ATXN1: variants seen among roughly 807,000 people sequenced by gnomAD.
ATXN1 encodes the protein ataxin-1.
ATXN1 carries 8 observed loss-of-function variants against 56.4 expected under a neutral mutation model. That is an observed-to-expected ratio of 0.14 (90% CI 0.08 to 0.26). The LOEUF (loss-of-function observed/expected upper bound fraction) is 0.26. ATXN1 is among the 10% of genes least tolerant of loss of function. ATXN1 has a pLI of 1.00. For missense variants in ATXN1, 987 were observed against 1,106.5 expected, an observed-to-expected ratio of 0.89 and a Z score of 1.53; for synonymous variants, 514 against 494.6, an observed-to-expected ratio of 1.04 and a Z score of -0.52.
rs1762579235 is a variant in ATXN1 at position 16,584,238 on chromosome 6, A to ATATATATATATATG, written c.-361+1541_-361+1542insCATATATATATATA. On this transcript the variant is annotated intron_variant, in intron 4 of 7. Coordinates refer to ENST00000436367, the MANE Select transcript of ATXN1 (RefSeq NM_001128164.2). ...CGATATTGGACATATATATATATAT[A>ATATATATATATATG]TATATACACACACACACACACACAC... 3.1e-5 allele frequency among the ~76,000 whole-genome samples: 4 copies of ATATATATATATATG among 128,750 alleles called. 1 individual carries two copies. The highest frequency in any genetic ancestry group is 4.9e-5 in the Non-Finnish European group (3 of 61,480). The allele number at this position is 128,750 out of a possible 152,430, so 84.5% of individuals were successfully genotyped here.
intron 3 of ATXN1, among the ~76,000 whole-genome samples, chr6:16,594,671 C>T (rs1486151846): frequency 1.3e-5 from 2 of 151,936 alleles, no homozygotes; most frequent in Non-Finnish European, 2.9e-5. Context: ...TTAGAAGAGA[C>T]GAGGTTTCAC....
intron 2 of ATXN1, among the ~76,000 whole-genome samples, chr6:16,751,303 A>G (rs1760711545): frequency 6.6e-6 from 1 of 152,076 alleles, no homozygotes; most frequent in Admixed American, 6.5e-5. Context: ...ACACTTGTAG[A>G]TCTTAAGAGG....
intron 4 of ATXN1, among the ~76,000 whole-genome samples, chr6:16,548,689 C>T (rs908447897): frequency 7.3e-5 from 11 of 151,698 alleles, no homozygotes; most frequent in Non-Finnish European, 1.3e-4. Context: ...TTTGGGAGGC[C>T]GAGGCGGGTG....
At chr6:16,540,663 C>G (rs1761697383) in intron 4 of ATXN1, among the ~76,000 whole-genome samples, 1 of 152,184 alleles carries the variant, frequency 6.6e-6, no homozygotes, top group Non-Finnish European at 1.5e-5. Context: ...AGGAGTTAGG[C>G]TCTAGAGTCA....
intron 3 of ATXN1, among the ~76,000 whole-genome samples, chr6:16,638,063 CAG>C (rs746533060): frequency 9.9e-5 from 15 of 152,002 alleles, no homozygotes; most frequent in Non-Finnish European, 1.8e-4. Flanking sequence ...TATTCATAAT[CAG>C]GGGTGGATCC....
rs1368837826 is a variant in ATXN1 at position 16,420,959 on chromosome 6, C to T, written c.-161+65013G>A. Among the ~76,000 whole-genome samples, 3 of 152,074 alleles carry T rather than the reference C, an allele frequency of 2.0e-5. No individual in the cohort carries two copies. In the East Asian group the frequency reaches 5.8e-4, roughly 29 times the overall value. On this transcript the variant is annotated intron_variant, in intron 6 of 7. Transcript: ENST00000436367. ...CTCTGCGGTTTTGTAGTTGATTTTC[C>T]CCATCTGACCCTGACTTACATGTGA...
At chr6:16,696,419 T>C (rs1759166848) in intron 2 of ATXN1, among the ~76,000 whole-genome samples, 1 of 152,164 alleles carries the variant, frequency 6.6e-6, no homozygotes, top group South Asian at 2.1e-4. Flanking sequence ...AAAGTTAAAT[T>C]ATATTCACTA....
chr6:16,498,520 G>A (rs1760820308), intron 5 of ATXN1, among the ~76,000 whole-genome samples: 1 of 152,188 alleles, frequency 6.6e-6, no homozygotes, highest in Non-Finnish European at 1.5e-5. Flanking sequence ...CAGAACTACT[G>A]AGTCATATGT....
At chr6:16,601,954 A>C (rs1396231776) in intron 3 of ATXN1, among the ~76,000 whole-genome samples, 2 of 152,206 alleles carry the variant, frequency 1.3e-5, no homozygotes. Context: ...TTTTGCAAGC[A>C]GAAAATTCTC....
chr6:16,593,434 C>A (rs1762759070), intron 3 of ATXN1, among the ~76,000 whole-genome samples: 2 of 152,296 alleles, frequency 1.3e-5, no homozygotes, highest in African/African-American at 4.8e-5. Context: ...ATGTTTGTAA[C>A]CCACAAAAGA....
At chr6:16,349,224 G>C (rs530829691) in intron 6 of ATXN1, among the ~76,000 whole-genome samples, 35 of 152,268 alleles carry the variant, frequency 2.3e-4, no homozygotes, top group African/African-American at 8.4e-4. Context: ...ACATTTTCAG[G>C]CTGGGCATGG....
intron 4 of ATXN1, among the ~76,000 whole-genome samples, chr6:16,542,360 C>A (rs1761731582): frequency 6.6e-6 from 1 of 152,184 alleles, no homozygotes; most frequent in Non-Finnish European, 1.5e-5. Context: ...GAGCACTATG[C>A]TTCAGTAAGG....
rs972149006 is a variant in ATXN1 at position 16,301,416 on chromosome 6, A to G, written c.*4913T>C. ...AAGTTGTTTGGAGTTTCCCTATGCC[A>G]GAAACACAACACTGTCCGTGGAAAA... On this transcript the variant is annotated 3_prime_UTR_variant, in exon 8 of 8. Transcript: ENST00000436367. 6.6e-6 allele frequency: 1 copy of G among 152,660 alleles called. No individual in the cohort carries two copies. Among genetic ancestry groups the G allele is most frequent in the Non-Finnish European group, 1.5e-5 (1 of 68,046 alleles). 9.5% of individuals were successfully genotyped at this position (152,660 alleles called of 1,614,324 possible). A position where few individuals can be genotyped will look rare whatever the true frequency, so the allele number is the denominator to read the frequency against.
At chr6:16,471,191 AACACAC>A (rs5874560) in intron 6 of ATXN1, among the ~76,000 whole-genome samples, 54 of 148,100 alleles carry the variant, frequency 3.6e-4, no homozygotes, top group African/African-American at 5.2e-4. Context: ...TGGCAATTAA[AACACAC>A]ACACACACAC....
chr6:16,737,185 C>T, intron 2 of ATXN1: 1 of 152,188 alleles, frequency 6.6e-6, no homozygotes, highest in Non-Finnish European at 1.5e-5. Context: ...GACGTTTCTG[C>T]CAACCGCCTG....
chr6:16,716,362 C>T (rs1000644080), intron 2 of ATXN1, among the ~76,000 whole-genome samples: 5 of 152,184 alleles, frequency 3.3e-5, no homozygotes, highest in Admixed American at 6.5e-5. Flanking sequence ...AGCTTTCTTT[C>T]AGTATGTTGT....
intron 3 of ATXN1, among the ~76,000 whole-genome samples, chr6:16,637,996 G>C (rs977572880): frequency 6.6e-6 from 1 of 152,284 alleles, no homozygotes; most frequent in East Asian, 1.9e-4. Flanking sequence ...TCACATACTA[G>C]TATGAAAGAG....
At chr6:16,730,108 C>T (rs770328944) in intron 2 of ATXN1, among the ~76,000 whole-genome samples, 2 of 152,176 alleles carry the variant, frequency 1.3e-5, no homozygotes, top group Non-Finnish European at 2.9e-5. Flanking sequence ...CACGGTGAAA[C>T]CCAATCTCTA....
At chr6:16,688,478 T>C (rs538905209) in intron 2 of ATXN1, among the ~76,000 whole-genome samples, 42 of 152,338 alleles carry the variant, frequency 2.8e-4, no homozygotes, top group Non-Finnish European at 3.8e-4. Flanking sequence ...TCTACCTCAA[T>C]GACAGACAAA....
Sources: gnomAD v4.1 joint callset for allele counts (sites outside exome capture counted in the v4.1 genomes callset) on GRCh38, gnomAD v4.1.1 for gene constraint, MANE v1.5 for transcripts, NCBI Gene and HGNC (gene_info 2026-07-23, HGNC 2026-07-21) for gene names.